The following POLA1 variants were observed in gnomAD, a reference collection of about 807,000 sequenced individuals.
POLA1 encodes DNA polymerase alpha catalytic subunit.
Under a neutral mutation model 124.0 loss-of-function variants are expected in POLA1, and 15 were observed. The observed-to-expected ratio is 0.12, with a 90% confidence interval of 0.08 to 0.19. The LOEUF (loss-of-function observed/expected upper bound fraction) is 0.19. Among genes scored for constraint, POLA1 ranks in the 10% least tolerant of loss-of-function variants. POLA1 has a pLI of 1.00. For synonymous variants in POLA1, 408 were observed against 389.4 expected, an observed-to-expected ratio of 1.05 and a Z score of -0.56; for missense variants, 886 against 1,103.4, an observed-to-expected ratio of 0.80 and a Z score of 2.79.
chrX:24,968,334 T>TA (rs1308370384), intron 36 of POLA1, among the ~76,000 whole-genome samples: 2 of 111,608 alleles, frequency 1.8e-5, no homozygotes, highest in East Asian at 5.6e-4. Flanking sequence ...TTTTACTAGA[T>TA]AAAAAATGAA....
intron 36 of POLA1, among the ~76,000 whole-genome samples, chrX:24,992,471 A>G (rs2048545263): frequency 8.9e-6 from 1 of 112,696 alleles, no homozygotes. Context: ...TGACTGTATA[A>G]CACCTGACAG....
At chrX:24,798,436 G>A (rs894224368) in intron 26 of POLA1, among the ~76,000 whole-genome samples, 1 of 110,847 alleles carries the variant, frequency 9.0e-6, no homozygotes, top group Non-Finnish European at 1.9e-5. Context: ...AAGATGATGA[G>A]GATGAAGACC....
chrX:24,961,972 G>A (rs2048173517), intron 36 of POLA1, among the ~76,000 whole-genome samples: 1 of 111,956 alleles, frequency 8.9e-6, no homozygotes, highest in Non-Finnish European at 1.9e-5. Context: ...AAACTATAAT[G>A]CTACCACCTG....
chrX:24,863,738 C>T (rs973646330), intron 34 of POLA1, among the ~76,000 whole-genome samples: 2 of 111,256 alleles, frequency 1.8e-5, no homozygotes, highest in South Asian at 3.8e-4. Flanking sequence ...ATGGTGCTCC[C>T]GCAGTCTCTT....
intron 29 of POLA1, among the ~76,000 whole-genome samples, chrX:24,814,694 T>G (rs2045962946): frequency 8.9e-6 from 1 of 111,990 alleles, no homozygotes; most frequent in Non-Finnish European, 1.9e-5. Flanking sequence ...GAACACATGC[T>G]TTTCTTCACA....
At chrX:24,921,904 G>A (rs1258029585) in intron 35 of POLA1, among the ~76,000 whole-genome samples, 1 of 110,796 alleles carries the variant, frequency 9.0e-6, no homozygotes, top group East Asian at 2.8e-4. Flanking sequence ...GTGTGTGTGT[G>A]TGTGATGGGG....
intron 36 of POLA1, among the ~76,000 whole-genome samples, chrX:24,954,871 G>T (rs912144356): frequency 9.0e-6 from 1 of 111,665 alleles, no homozygotes; most frequent in East Asian, 2.8e-4. Flanking sequence ...CCAGGTGAAG[G>T]TTATAACAGT....
intron 32 of POLA1, among the ~76,000 whole-genome samples, chrX:24,835,103 A>G (rs1205165639): frequency 1.9e-5 from 2 of 106,407 alleles, no homozygotes; most frequent in Non-Finnish European, 3.9e-5. Context: ...GCTGGAGTGC[A>G]GTGGTGCGAT....
intron 35 of POLA1, 136 bp downstream of exon 35, chrX:24,888,258 T>A (rs1210132082): frequency 2.5e-6 from 1 of 397,916 alleles, no homozygotes; most frequent in Non-Finnish European, 4.4e-6. Context: ...TTTTAAAAAA[T>A]ACAGATTTCA....
At chrX:24,810,010 C>A in intron 27 of POLA1, 80 bp downstream of exon 27, 1 of 587,064 alleles carries the variant, frequency 1.7e-6, no homozygotes, top group Non-Finnish European at 2.7e-6. Flanking sequence ...AATTGTAACC[C>A]AAACAGACTG....
At chrX:24,863,420 T>C (rs2046748537) in intron 34 of POLA1, among the ~76,000 whole-genome samples, 1 of 111,888 alleles carries the variant, frequency 8.9e-6, no homozygotes, top group African/African-American at 3.2e-5. Flanking sequence ...AAAATGAATG[T>C]TGGAAAAAGA....
chrX:24,850,672 C>T (rs1352578736), intron 34 of POLA1, among the ~76,000 whole-genome samples: 1 of 111,453 alleles, frequency 9.0e-6, no homozygotes, highest in East Asian at 2.8e-4. Flanking sequence ...GGACTAACCC[C>T]CAGAGCCACT....
intron 36 of POLA1, among the ~76,000 whole-genome samples, chrX:24,971,782 A>G (rs1229952387): frequency 9.0e-6 from 1 of 110,869 alleles, no homozygotes; most frequent in Non-Finnish European, 1.9e-5. Context: ...ATTTCCATAA[A>G]CATATAATAG....
chrX:24,699,659 A>T (rs770643283), intron 2 of POLA1, 110 bp downstream of exon 2: 45 of 580,628 alleles, frequency 7.8e-5, no homozygotes, highest in Non-Finnish European at 1.1e-4. Flanking sequence ...TATATTTTAA[A>T]CTTTTTGTAA....
intron 18 of POLA1, among the ~76,000 whole-genome samples, chrX:24,736,561 G>T (rs1367957734): frequency 8.9e-6 from 1 of 111,745 alleles, no homozygotes; most frequent in African/African-American, 3.3e-5. Context: ...CATGAATATG[G>T]GTCCCTGATT....
chrX:24,902,635 T>A (rs1231193448), intron 35 of POLA1, among the ~76,000 whole-genome samples: 2 of 111,983 alleles, frequency 1.8e-5, no homozygotes, highest in Non-Finnish European at 3.8e-5. Context: ...TGTATCCTTA[T>A]GCCTTGTCCT....
chrX:24,787,514 G>T (rs1413678020), intron 26 of POLA1, among the ~76,000 whole-genome samples: 1 of 111,601 alleles, frequency 9.0e-6, no homozygotes. Flanking sequence ...GTCAAAGATC[G>T]GTTGACCATG....
intron 35 of POLA1, among the ~76,000 whole-genome samples, chrX:24,898,016 G>A (rs763166291): frequency 1.8e-5 from 2 of 112,367 alleles, no homozygotes; most frequent in Non-Finnish European, 3.8e-5. Context: ...AAATGGGGGA[G>A]TAATGCCACC....
chrX:24,730,264 AGTC>A lies in POLA1; in HGVS notation c.1687-2105_1687-2103del, dbSNP rs774647347. On this transcript the variant is annotated intron_variant, in intron 15 of 36. Transcript: ENST00000379068. ...CTTTTTTTTTCTTTTTTTGAGATGG[AGTC>A]TTGCTCTGTTGCCTAGGCTGGAGTG... Among the ~76,000 whole-genome samples the A allele has an allele frequency of 4.6e-5, 5 of 109,082 alleles. No homozygotes were observed. The East Asian group carries it at 1.4e-3, about 31-fold the overall frequency. 94.7% of individuals were successfully genotyped at this position (109,082 alleles called of 115,157 possible).
Sources: allele counts gnomAD v4.1 joint callset (sites outside exome capture counted in the v4.1 genomes callset), GRCh38; gene constraint gnomAD v4.1.1; transcripts MANE v1.5; gene names NCBI Gene and HGNC (gene_info 2026-07-23, HGNC 2026-07-21).